The following TRAM2 variants were observed in gnomAD, a reference collection of about 807,000 sequenced individuals.
TRAM2 encodes the protein translocating chain-associated membrane protein 2.
In TRAM2, 12 loss-of-function variants were observed where a neutral mutation model predicts 51.0. The ratio of observed to expected loss-of-function variants is 0.24; its 90% CI spans 0.15 to 0.38. The LOEUF (loss-of-function observed/expected upper bound fraction) is 0.38. Ranked by LOEUF, TRAM2 falls within the 10% of genes least tolerant of loss-of-function variation. The pLI is 1.00. For synonymous variants in TRAM2, 175 were observed against 179.4 expected, an observed-to-expected ratio of 0.98 and a Z score of 0.20; for missense variants, 361 against 462.0, an observed-to-expected ratio of 0.78 and a Z score of 2.00.
At chr6:52,554,210 G>A (rs2114098864) in intron 1 of TRAM2, among the ~76,000 whole-genome samples, 1 of 152,312 alleles carries the variant, frequency 6.6e-6, no homozygotes, top group South Asian at 2.1e-4. Context: ...TGCGGAGGCA[G>A]GGCATCCCAC....
chr6:52,529,132 C>T (rs1305024343), intron 2 of TRAM2, among the ~76,000 whole-genome samples: 8 of 152,110 alleles, frequency 5.3e-5, no homozygotes, highest in Non-Finnish European at 7.4e-5. Flanking sequence ...ACCTCTTGAT[C>T]CGCCCGCCTC....
chr6:52,511,045 T>C (rs1766442477), intron 4 of TRAM2, among the ~76,000 whole-genome samples: 1 of 152,256 alleles, frequency 6.6e-6, no homozygotes, highest in African/African-American at 2.4e-5. Flanking sequence ...TAGGATGACT[T>C]CATTTTAGAA....
intron 2 of TRAM2, chr6:52,524,790 T>G (rs1324542992): frequency 6.6e-6 from 1 of 152,126 alleles, no homozygotes; most frequent in Admixed American, 6.5e-5. Flanking sequence ...AGAATGGGCA[T>G]GAAAAGACCT....
intron 4 of TRAM2, 49 bp from the exon 5 acceptor site, chr6:52,509,635 T>C (rs748095540): frequency 1.3e-5 from 20 of 1,593,266 alleles, no homozygotes; most frequent in Non-Finnish European, 1.7e-5. Context: ...ACGTGAGACC[T>C]GCTGGGGCCC....
chr6:52,516,094 T>C lies in TRAM2; in HGVS notation c.323A>G (p.Lys108Arg), dbSNP rs1766542802. The change falls in exon 4 of 11, where the codon AAA becomes AGA. Residue 108 changes from lysine to arginine, a missense_variant. Coordinates refer to ENST00000182527, the MANE Select transcript of TRAM2 (RefSeq NM_012288.4). ...TTCATTGAACTTGCTGTGTTTGACTTTGGAGAGATGAAGCCGTTTGCTGAT... is the reference window on the plus strand; with the variant it reads ...TTCATTGAACTTGCTGTGTTTGACTCTGGAGAGATGAAGCCGTTTGCTGAT... ...DKISKRLHLSKVKHSKFNESG... is the reference protein window; with the variant it reads ...DKISKRLHLSRVKHSKFNESG... 4 of 1,614,170 alleles carry C rather than the reference T, an allele frequency of 2.5e-6. No homozygotes were observed. The highest frequency in any genetic ancestry group is 3.4e-6 in the Non-Finnish European group (4 of 1,180,018).
chr6:52,551,580 T>C (rs1027776091), intron 1 of TRAM2, among the ~76,000 whole-genome samples: 1 of 152,196 alleles, frequency 6.6e-6, no homozygotes, highest in Admixed American at 6.5e-5. Flanking sequence ...TACAGCTGAG[T>C]AGCTTGGGGG....
chr6:52,524,075 G>C (rs556981658), intron 2 of TRAM2: 12 of 152,318 alleles, frequency 7.9e-5, no homozygotes, highest in Admixed American at 3.9e-4. Flanking sequence ...ATGAAATCAA[G>C]AGCAGGTAAA....
At chr6:52,546,324 A>T (rs910244) in intron 1 of TRAM2, among the ~76,000 whole-genome samples, 3 of 152,048 alleles carry the variant, frequency 2.0e-5, no homozygotes, top group Admixed American at 6.5e-5. Context: ...ATATAAAAAT[A>T]GAACTTCATC....
chr6:52,541,544 T>C (rs188052932), intron 1 of TRAM2, among the ~76,000 whole-genome samples: 8 of 152,298 alleles, frequency 5.3e-5, no homozygotes, highest in Admixed American at 4.6e-4. Flanking sequence ...TTAAAATATA[T>C]TGTTGCTTCT....
chr6:52,558,281 C>G (rs1008968262), intron 1 of TRAM2, among the ~76,000 whole-genome samples: 1 of 152,168 alleles, frequency 6.6e-6, no homozygotes, highest in African/African-American at 2.4e-5. Flanking sequence ...AGCCCGGGAG[C>G]ACCAGGTGGG....
Position 52,507,543 on chromosome 6 carries a change from T to C in TRAM2, c.626+10A>G. The C allele has an allele frequency of 6.2e-7, 1 of 1,613,854 alleles. No homozygotes were observed. The highest frequency in any genetic ancestry group is 8.5e-7 in the Non-Finnish European group (1 of 1,179,838). ...CAAGGAAATCTGGCTGGCTCCATGGTCTCACTCACTTTAAGAGGTATGCTC... is the reference window on the plus strand; with the variant it reads ...CAAGGAAATCTGGCTGGCTCCATGGCCTCACTCACTTTAAGAGGTATGCTC... On this transcript the variant is annotated intron_variant, in intron 7 of 10. Transcript: ENST00000182527.
intron 2 of TRAM2, 79 bp downstream of exon 2, chr6:52,535,704 C>A: frequency 7.4e-7 from 1 of 1,343,240 alleles, no homozygotes; most frequent in Non-Finnish European, 1.0e-6. Context: ...AAAAATTGTA[C>A]ACAGATGGGG....
At chr6:52,534,084 CA>C (rs34466348) in intron 2 of TRAM2, among the ~76,000 whole-genome samples, 86,873 of 132,148 alleles carry the variant, frequency 0.66, 26,909 homozygotes, top group Admixed American at 0.71. Flanking sequence ...AAACTCCGTC[CA>C]AAAAAAAAAA....
At chr6:52,526,480 A>G (rs1434422366) in intron 2 of TRAM2, among the ~76,000 whole-genome samples, 22 of 152,086 alleles carry the variant, frequency 1.4e-4, no homozygotes. Context: ...TCTGCCTCCC[A>G]GGCTCAAGCG....
chr6:52,542,085 A>G (rs2114091196), intron 1 of TRAM2, among the ~76,000 whole-genome samples: 1 of 152,198 alleles, frequency 6.6e-6, no homozygotes, highest in South Asian at 2.1e-4. Flanking sequence ...GAAATTAGGT[A>G]CCTAAAACTT....
chr6:52,565,464 A>G (rs1369587198), intron 1 of TRAM2, among the ~76,000 whole-genome samples: 1 of 152,120 alleles, frequency 6.6e-6, no homozygotes, highest in Non-Finnish European at 1.5e-5. Context: ...TCTCCTAGAG[A>G]CCATGCAAAC....
At chr6:52,572,497 G>A (rs1339381007) in intron 1 of TRAM2, among the ~76,000 whole-genome samples, 1 of 152,200 alleles carries the variant, frequency 6.6e-6, no homozygotes, top group Non-Finnish European at 1.5e-5. Context: ...CAGCTACCTG[G>A]AAGGCTAAGG....
intron 1 of TRAM2, among the ~76,000 whole-genome samples, chr6:52,564,082 T>TCA (rs1767549832): frequency 2.6e-5 from 4 of 152,046 alleles, no homozygotes; most frequent in South Asian, 2.1e-4. Flanking sequence ...GAAAGGCAAC[T>TCA]CACACACACA....
At chr6:52,541,801 C>CTTTTTTTTTTTT (rs113470524) in intron 1 of TRAM2, among the ~76,000 whole-genome samples, 1 of 75,188 alleles carries the variant, frequency 1.3e-5, no homozygotes. Flanking sequence ...TCAGTTTATT[C>CTTTTTTTTTTTT]TGTTTTTTTT....
Sources: gnomAD v4.1 joint callset for allele counts (sites outside exome capture counted in the v4.1 genomes callset) on GRCh38, gnomAD v4.1.1 for gene constraint, MANE v1.5 for transcripts, NCBI Gene and HGNC (gene_info 2026-07-23, HGNC 2026-07-21) for gene names.